Variants in INSC observed in about 807,000 individuals in gnomAD.
The protein encoded by INSC is protein inscuteable homolog.
Under a neutral mutation model 58.6 loss-of-function variants are expected in INSC, and 67 were observed. The observed-to-expected ratio is 1.14, with a 90% CI of 0.94 to 1.40. The LOEUF (loss-of-function observed/expected upper bound fraction) is 1.40. INSC is among the 40% of genes most tolerant of loss of function. The pLI, the probability that INSC is intolerant of heterozygous loss-of-function variation, is 0.00. For synonymous variants in INSC, 262 were observed against 276.1 expected (o/e 0.95, Z 0.51); for missense variants, 714 against 692.0 (o/e 1.03, Z -0.36).
At chr11:15,192,189 T>A (rs1850203333) in intron 6 of INSC, among the ~76,000 whole-genome samples, 1 of 152,226 alleles carries the variant, frequency 6.6e-6, no homozygotes, top group Non-Finnish European at 1.5e-5. Context: ...CCTCCCTCCC[T>A]CTGGCTCCCT....
At chr11:15,148,068 A>G (rs1337957222) in intron 1 of INSC, among the ~76,000 whole-genome samples, 1 of 152,222 alleles carries the variant, frequency 6.6e-6, no homozygotes, top group Non-Finnish European at 1.5e-5. Context: ...AGCAGGGACA[A>G]GGCGAGGGAG....
chr11:15,178,450 C>T lies in INSC; in HGVS notation c.579+3C>T, dbSNP rs1332427811. The T allele has an allele frequency of 1.2e-6, 2 of 1,608,970 alleles. No individual in the cohort carries two copies. The highest frequency in any genetic ancestry group is 1.7e-6 in the Non-Finnish European group (2 of 1,179,940). On this transcript the variant is annotated splice_donor_region_variant and intron_variant, in intron 5 of 12. Transcript: ENST00000379556. ...TGGCCCTGACACGGGAGGTTCAGGT[C>T]AGTGCAGGCTGGGCTGCAGGGAGGG...
rs376455267 is a variant in INSC, at chr11:15,175,980, G to A, written c.296G>A (p.Arg99His). The change falls in exon 3 of 13, where the codon CGC becomes CAC. Residue 99 changes from arginine to histidine, a missense_variant. Transcript: ENST00000379556. Reference protein sequence around the residue: ...RRIGQKLAQDRWARVHSMSVR... With the variant: ...RRIGQKLAQDHWARVHSMSVR... ...ATCGGGCAGAAGCTGGCCCAGGACC[G>A]CTGGGCACGGGTGCACAGCATGAGC... 7.6e-5 allele frequency: 122 copies of A among 1,612,076 alleles called. No individual in the cohort carries two copies. In the African/African-American group the frequency reaches 1.4e-3, roughly 19 times the overall value.
intron 3 of INSC, 79 bp from the exon 4 acceptor site, chr11:15,177,032 G>T: frequency 9.4e-7 from 1 of 1,068,090 alleles, no homozygotes; most frequent in Non-Finnish European, 1.5e-6. Flanking sequence ...CATGTTTAAT[G>T]TCCCCGTGTG....
intron 6 of INSC, among the ~76,000 whole-genome samples, chr11:15,199,222 A>C (rs112592392): frequency 6.6e-6 from 1 of 152,242 alleles, no homozygotes; most frequent in Non-Finnish European, 1.5e-5. Flanking sequence ...GAATGAATGT[A>C]CTAGCCCTAA....
chr11:15,166,721 T>C (rs1179804392), intron 2 of INSC, among the ~76,000 whole-genome samples: 1 of 152,256 alleles, frequency 6.6e-6, no homozygotes, highest in Non-Finnish European at 1.5e-5. Context: ...TATTTATTGA[T>C]ACCTACTGTG....
intron 5 of INSC, among the ~76,000 whole-genome samples, 158 bp from the exon 6 acceptor site, chr11:15,190,543 A>G (rs1200238363): frequency 6.6e-6 from 1 of 152,210 alleles, no homozygotes; most frequent in Non-Finnish European, 1.5e-5. Context: ...CCTTTCCCAA[A>G]GCTAGAACTT....
At chr11:15,148,105 TTTGGGTTTAAATGTGA>T (rs1261930685) in intron 1 of INSC, among the ~76,000 whole-genome samples, 2 of 152,184 alleles carry the variant, frequency 1.3e-5, no homozygotes, top group African/African-American at 4.8e-5. Flanking sequence ...GGGTAGCTGG[TTTGGGTTTAAATGTGA>T]GGCACAGGGA....
At chr11:15,201,443 T>C (rs1290440644) in intron 7 of INSC, among the ~76,000 whole-genome samples, 4 of 152,128 alleles carry the variant, frequency 2.6e-5, no homozygotes, top group Non-Finnish European at 5.9e-5. Flanking sequence ...GAAGCCCCAG[T>C]CCAAGTGCTC....
chr11:15,264,276 A>G, the INSC span, among the ~76,000 whole-genome samples: 1 of 126,748 alleles, frequency 7.9e-6, no homozygotes, highest in African/African-American at 3.0e-5. Flanking sequence ...CATGCTTGGA[A>G]TCTTGATCTT....
At chr11:15,221,678 G>A in intron 8 of INSC, 30 bp downstream of exon 8, 1 of 1,581,854 alleles carries the variant, frequency 6.3e-7, no homozygotes, top group Non-Finnish European at 8.6e-7. Flanking sequence ...GGGACCACTA[G>A]GAGAGAGGGC....
At chr11:15,219,178 A>G (rs1244214907) in intron 7 of INSC, among the ~76,000 whole-genome samples, 2 of 152,246 alleles carry the variant, frequency 1.3e-5, no homozygotes, top group African/African-American at 4.8e-5. Context: ...TCTGGGTGGG[A>G]TACAGGAACT....
chr11:15,225,549 C>A, intron 8 of INSC, 101 bp from the exon 9 acceptor site: 1 of 1,201,952 alleles, frequency 8.3e-7, no homozygotes, highest in Non-Finnish European at 1.2e-6. Context: ...TATTATAACA[C>A]CTGCTCAAAC....
intron 12 of INSC, chr11:15,241,657 C>A (rs1224806230): frequency 1.4e-6 from 1 of 702,304 alleles, no homozygotes; most frequent in African/African-American, 1.7e-5. Flanking sequence ...TAATCTTAAT[C>A]TTTTTGTATC....
chr11:15,150,373 T>TG (rs1168453957), intron 2 of INSC, among the ~76,000 whole-genome samples: 1 of 152,224 alleles, frequency 6.6e-6, no homozygotes, highest in African/African-American at 2.4e-5. Context: ...GCCTCTCTTG[T>TG]GGGGAATAAC....
At chr11:15,181,412 C>G (rs1849774047) in intron 5 of INSC, among the ~76,000 whole-genome samples, 1 of 152,108 alleles carries the variant, frequency 6.6e-6, no homozygotes. Context: ...GAACAAATCT[C>G]CCCACCCCCT....
At chr11:15,170,178 G>T (rs577242379) in intron 2 of INSC, among the ~76,000 whole-genome samples, 1 of 151,718 alleles carries the variant, frequency 6.6e-6, no homozygotes, top group Non-Finnish European at 1.5e-5. Flanking sequence ...GTTATTTTTT[G>T]TTTTTTTGAA....
intron 1 of INSC, among the ~76,000 whole-genome samples, chr11:15,134,348 G>GA (rs1257246155): frequency 6.6e-6 from 1 of 151,952 alleles, no homozygotes; most frequent in South Asian, 2.1e-4. Flanking sequence ...GTTAAAATAT[G>GA]AAAAAAAGAT....
chr11:15,267,050 A>G, the INSC span, among the ~76,000 whole-genome samples: 2 of 152,018 alleles, frequency 1.3e-5, no homozygotes, highest in African/African-American at 2.4e-5. Context: ...CTTGTAGCAT[A>G]TACATCTACC....
Sources: gnomAD v4.1 joint callset for allele counts (sites outside exome capture counted in the v4.1 genomes callset) on GRCh38, gnomAD v4.1.1 for gene constraint, MANE v1.5 for transcripts, NCBI Gene and HGNC (gene_info 2026-07-23, HGNC 2026-07-21) for gene names.